MFSD6: variants seen among roughly 807,000 people sequenced by gnomAD.
The protein encoded by MFSD6 is major facilitator superfamily domain containing 6.
A neutral mutation model predicts 56.3 loss-of-function variants in MFSD6; 26 were observed. That is an observed-to-expected ratio of 0.46 (90% CI 0.34 to 0.64). The LOEUF is 0.64. Among genes scored for constraint, MFSD6 ranks in the 30% least tolerant of loss-of-function variants. The probability of loss-of-function intolerance (pLI) is 0.01; values close to 1 mark genes in which losing one functional copy is unlikely to be tolerated. For synonymous variants in MFSD6, 331 were observed against 366.9 expected (o/e 0.90, Z 1.12); for missense variants, 750 against 986.2 (o/e 0.76, Z 3.21).
chr2:190,427,124 G>A (rs1475720538), intron 2 of MFSD6, among the ~76,000 whole-genome samples: 1 of 152,206 alleles, frequency 6.6e-6, no homozygotes, highest in Non-Finnish European at 1.5e-5. Flanking sequence ...TGTAACTCCT[G>A]ACATCACCCC....
intron 4 of MFSD6, among the ~76,000 whole-genome samples, chr2:190,473,221 A>C (rs936556153): frequency 2.3e-4 from 35 of 152,228 alleles, no homozygotes; most frequent in Admixed American, 1.8e-3. Flanking sequence ...GACAGGATCA[A>C]ATTCACACAT....
chr2:190,450,406 C>A (rs912275883), intron 3 of MFSD6, among the ~76,000 whole-genome samples: 14 of 151,788 alleles, frequency 9.2e-5, no homozygotes, highest in Admixed American at 2.0e-4. Flanking sequence ...GCAATTCTTA[C>A]CTTTTTTTCT....
At position 190,447,575 on chromosome 2, in the gene MFSD6, C is replaced by T. The variant is rs1415991923; in HGVS notation, c.1532+10014C>T. 6.6e-6 allele frequency among the ~76,000 whole-genome samples: 1 copy of T among 152,166 alleles called. No homozygotes were observed. The highest frequency in any genetic ancestry group is 6.5e-5 in the Admixed American group (1 of 15,282). On this transcript the variant is annotated intron_variant, in intron 3 of 7. Transcript: ENST00000392328. The surrounding 1 kb of genome is among the most constrained non-coding windows in gnomAD (Gnocchi z 4.5). ...TAAAAAATAAATTGCTTATATACTT[C>T]TTAGTGCCACGTTTTAGGCATTATA...
chr2:190,495,487 G>A lies in MFSD6; in HGVS notation c.1892-1952G>A, dbSNP rs943634379. Among the ~76,000 whole-genome samples, 1 of 152,022 alleles carries A rather than the reference G, an allele frequency of 6.6e-6. No homozygotes were observed. The highest frequency in any genetic ancestry group is 2.4e-5 in the African/African-American group (1 of 41,386). ...ACCACCATCATTCTTCACAGAACTA[G>A]AAAAAACAATCCTAAATTTCATATG... On this transcript the variant is annotated intron_variant, in intron 6 of 7. Transcript: ENST00000392328. The surrounding 1 kb of genome is among the most constrained non-coding windows in gnomAD (Gnocchi z 4.7).
intron 4 of MFSD6, among the ~76,000 whole-genome samples, chr2:190,486,432 G>A (rs74643274): frequency 0.041 from 6,303 of 152,268 alleles, 199 homozygotes; most frequent in Non-Finnish European, 0.054. Flanking sequence ...ATTCTGCCCT[G>A]GAACTCTAGC....
At chr2:190,472,138 G>A (rs1435351713) in intron 4 of MFSD6, among the ~76,000 whole-genome samples, 3 of 152,082 alleles carry the variant, frequency 2.0e-5, no homozygotes, top group Non-Finnish European at 2.9e-5. Flanking sequence ...CAAAGATGGG[G>A]AAAAAACAGA....
At chr2:190,479,363 A>G (rs779770424) in intron 4 of MFSD6, among the ~76,000 whole-genome samples, 6 of 152,202 alleles carry the variant, frequency 3.9e-5, no homozygotes, top group Non-Finnish European at 7.3e-5. Context: ...TTTCCTACCT[A>G]TAAGAAATCT....
Position 190,491,280 on chromosome 2 carries a change from C to T in MFSD6, c.1891+1414C>T, listed in dbSNP as rs1297333944. On this transcript the variant is annotated intron_variant, in intron 6 of 7. Coordinates refer to ENST00000392328, the MANE Select transcript of MFSD6 (RefSeq NM_017694.4). This position sits in a 1 kb window ranked among gnomAD's most constrained non-coding sequence, Gnocchi z 4.2. The stretch of plus-strand genomic sequence containing the variant: ...CAAGATAGGAGGCAGGATTAGGTTG[C>T]AGCTCACACTCAGGTGGACCGAGTA... Among the ~76,000 whole-genome samples, 2 of 152,172 alleles carry T rather than the reference C, an allele frequency of 1.3e-5. No homozygotes were observed. The highest frequency in any genetic ancestry group is 4.8e-5 in the African/African-American group (2 of 41,448).
At chr2:190,409,805 C>G (rs1021567882) in intron 1 of MFSD6, among the ~76,000 whole-genome samples, 1 of 152,138 alleles carries the variant, frequency 6.6e-6, no homozygotes, top group South Asian at 2.1e-4. Flanking sequence ...GCTTTTGACA[C>G]GTCAAGCTGC....
chr2:190,412,666 A>T lies in MFSD6; in HGVS notation c.-175-2626A>T, dbSNP rs897798689. The T allele has an allele frequency of 3.3e-4, 312 of 957,400 alleles. No homozygotes were observed. The highest frequency in any genetic ancestry group is 5.3e-4 in the Middle Eastern group (1 of 1,898). 59.3% of individuals were successfully genotyped at this position (957,400 alleles called of 1,614,324 possible). ...TTGAGTTTATAATTCCTCCATGTTT[A>T]ATTATCCAACATTAGCTGTCTGTTC... On this transcript the variant is annotated intron_variant, in intron 1 of 7. Transcript: ENST00000392328. The surrounding 1 kb of genome is among the most constrained non-coding windows in gnomAD (Gnocchi z 4.1).
At chr2:190,420,889 A>G (rs1028243326) in intron 2 of MFSD6, among the ~76,000 whole-genome samples, 3 of 152,228 alleles carry the variant, frequency 2.0e-5, no homozygotes, top group Non-Finnish European at 2.9e-5. Flanking sequence ...TGAAATTCAT[A>G]TAAAAGTTAC....
At position 190,437,110 on chromosome 2, in the gene MFSD6, AAGC is replaced by A. The variant is rs1686203149; in HGVS notation, c.1082_1084del (p.Lys361_Pro362delinsThr). ...AGTGCTCATCGATGGAAAGGGGTGTAAGCCCCCCGAGTACAGGAATTACCAGAT... is the reference window on the plus strand; with the variant it reads ...AGTGCTCATCGATGGAAAGGGGTGTACCCCCGAGTACAGGAATTACCAGAT... On this transcript the variant is annotated inframe_deletion, in exon 3 of 8. Transcript: ENST00000392328. The surrounding 1 kb of genome is among the most constrained non-coding windows in gnomAD (Gnocchi z 5.9). 1 of 1,614,110 alleles carries A rather than the reference AAGC, an allele frequency of 6.2e-7. No individual in the cohort carries two copies. Among genetic ancestry groups the A allele is most frequent in the Non-Finnish European group, 8.5e-7 (1 of 1,180,042 alleles).
chr2:190,450,889 G>A (rs1686754877), intron 3 of MFSD6, among the ~76,000 whole-genome samples: 1 of 152,188 alleles, frequency 6.6e-6, no homozygotes, highest in Admixed American at 6.5e-5. Context: ...TTGTCCAGGT[G>A]TACTATACCT....
Position 190,438,433 on chromosome 2 carries a change from T to C in MFSD6, c.1532+872T>C, listed in dbSNP as rs1686253751. Among the ~76,000 whole-genome samples the C allele has an allele frequency of 6.6e-6, 1 of 152,100 alleles. No individual in the cohort carries two copies. The highest frequency in any genetic ancestry group is 6.5e-5 in the Admixed American group (1 of 15,278). On this transcript the variant is annotated intron_variant, in intron 3 of 7. Transcript: ENST00000392328. The surrounding 1 kb of genome is among the most constrained non-coding windows in gnomAD (Gnocchi z 5.2). ...CGGGAGGCTGACGCACAAGAATCAC[T>C]TGAACCCAGGAGGCAGAGGTTGCAG... is the stretch of plus-strand genomic sequence containing the variant.
At chr2:190,460,726 G>A (rs1036273947) in intron 3 of MFSD6, among the ~76,000 whole-genome samples, 1 of 152,232 alleles carries the variant, frequency 6.6e-6, no homozygotes, top group African/African-American at 2.4e-5. Flanking sequence ...ATGAGATGGA[G>A]CTGGGTGAGA....
At position 190,415,074 on chromosome 2, in the gene MFSD6, A is replaced by T; in HGVS notation, c.-175-218A>T. 6.6e-6 allele frequency among the ~76,000 whole-genome samples: 1 copy of T among 152,134 alleles called. No individual in the cohort carries two copies. The highest frequency in any genetic ancestry group is 1.9e-4 in the East Asian group (1 of 5,202). The stretch of plus-strand genomic sequence containing the variant: ...TATTTAACTGTCCTTATTATTGATC[A>T]CTTACTTTGTTTCAGTTGTGATTGT... On this transcript the variant is annotated intron_variant, in intron 1 of 7. Transcript: ENST00000392328. The surrounding 1 kb of genome is among the most constrained non-coding windows in gnomAD (Gnocchi z 4.5).
chr2:190,418,812 G>C lies in MFSD6; in HGVS notation c.-54+3399G>C, dbSNP rs1001566736. 1.3e-5 allele frequency among the ~76,000 whole-genome samples: 2 copies of C among 152,228 alleles called. No homozygotes were observed. The highest frequency in any genetic ancestry group is 4.8e-5 in the African/African-American group (2 of 41,454). ...GGGTGCCAGGTTCTAGTTTCTGGGA[G>C]GAGTTTCAATCCCAGTGGAATGCTG... On this transcript the variant is annotated intron_variant, in intron 2 of 7. Coordinates refer to ENST00000392328, the MANE Select transcript of MFSD6 (RefSeq NM_017694.4). The surrounding 1 kb of genome is among the most constrained non-coding windows in gnomAD (Gnocchi z 4.1).
chr2:190,428,829 T>A (rs1685866795), intron 2 of MFSD6, among the ~76,000 whole-genome samples: 1 of 152,092 alleles, frequency 6.6e-6, no homozygotes, highest in Non-Finnish European at 1.5e-5. Context: ...TCTGCCACCA[T>A]GCCTGGCTAA....
intron 2 of MFSD6, among the ~76,000 whole-genome samples, chr2:190,419,123 C>A (rs1690907564): frequency 6.6e-6 from 1 of 152,018 alleles, no homozygotes; most frequent in South Asian, 2.1e-4. Context: ...AAATGTCTAG[C>A]AGATGCTAAA....
Sources: gnomAD v4.1 joint callset for allele counts (sites outside exome capture counted in the v4.1 genomes callset) on GRCh38, gnomAD v4.1.1 for gene constraint, Gnocchi (gnomAD v3.1) non-coding constraint, MANE v1.5 for transcripts, NCBI Gene and HGNC (gene_info 2026-07-23, HGNC 2026-07-21) for gene names.